ARHGEF18: variants seen among roughly 807,000 people sequenced by gnomAD.
ARHGEF18 encodes the protein rho guanine nucleotide exchange factor 18.
In ARHGEF18, 93 loss-of-function variants were observed where a neutral mutation model predicts 155.7. That is an observed-to-expected ratio of 0.60 (90% CI 0.50 to 0.71). ARHGEF18 has a LOEUF of 0.71. Ranked by LOEUF, ARHGEF18 falls within the 30% of genes least tolerant of loss-of-function variation. ARHGEF18 has a pLI of 0.00. For missense variants in ARHGEF18, 1,593 were observed against 1,816.1 expected (o/e 0.88, Z 2.23); for synonymous variants, 742 against 753.1 (o/e 0.99, Z 0.24).
intron 1 of ARHGEF18, among the ~76,000 whole-genome samples, chr19:7,360,136 C>A (rs1164810328): frequency 6.6e-6 from 1 of 151,734 alleles, no homozygotes; most frequent in African/African-American, 2.4e-5. Context: ...GGTGACAGAG[C>A]AAGACTCTCT....
rs144365474 is a variant in ARHGEF18, at chr19:7,349,689, A to G, written c.-111+448A>G. On this transcript the variant is annotated intron_variant, in intron 1 of 28. Transcript: ENST00000668164. ...GCTACTCGGGAGGCTGAGGCAGGAG[A>G]ATGGCTTGAACCCGGGAGGTAGAGG... 8.4e-3 allele frequency among the ~76,000 whole-genome samples: 1,284 copies of G among 152,090 alleles called. 12 individuals are homozygous for G. Among genetic ancestry groups the G allele is most frequent in the Non-Finnish European group, 0.014 (960 of 67,974 alleles).
At chr19:7,450,513 G>GTT (rs1308052122) in intron 15 of ARHGEF18, among the ~76,000 whole-genome samples, 2 of 2,466 alleles carry the variant, frequency 8.1e-4, no homozygotes, top group Non-Finnish European at 1.4e-3. Flanking sequence ...GGATCTTGCT[G>GTT]TCCATTTCCG....
chr19:7,450,843 A>T, intron 15 of ARHGEF18, among the ~76,000 whole-genome samples: 1 of 142,208 alleles, frequency 7.0e-6, no homozygotes, highest in South Asian at 2.2e-4. Context: ...CGTTTCCGAG[A>T]TGTTAATGCG....
Position 7,395,224 on chromosome 19 carries a change from C to T in ARHGEF18, c.967+12021C>T, listed in dbSNP as rs1971627668. On this transcript the variant is annotated intron_variant, in intron 10 of 28. Coordinates refer to ENST00000668164, the MANE Select transcript of ARHGEF18 (RefSeq NM_001367823.1). This position sits in a 1 kb window ranked among gnomAD's most constrained non-coding sequence, Gnocchi z 5.0. ...GAGTGGCAGAGGAGCTGGCGGAGAGCGGCCTGCGGGCGATCGGGCCGAGGT... is the reference window on the plus strand; with the variant it reads ...GAGTGGCAGAGGAGCTGGCGGAGAGTGGCCTGCGGGCGATCGGGCCGAGGT... 1.0e-6 allele frequency: 1 copy of T among 986,914 alleles called. No homozygotes were observed. The highest frequency in any genetic ancestry group is 1.2e-6 in the Non-Finnish European group (1 of 831,192). The allele number at this position is 986,914 out of a possible 1,614,324, so 61.1% of individuals were successfully genotyped here.
intron 10 of ARHGEF18, among the ~76,000 whole-genome samples, chr19:7,391,081 A>G (rs1971376156): frequency 6.6e-6 from 1 of 152,016 alleles, no homozygotes; most frequent in Non-Finnish European, 1.5e-5. Flanking sequence ...AATAAATCAC[A>G]GACCCTAACC....
At chr19:7,425,505 C>T (rs930394991) in intron 10 of ARHGEF18, among the ~76,000 whole-genome samples, 11 of 151,116 alleles carry the variant, frequency 7.3e-5, no homozygotes, top group Admixed American at 5.9e-4. Context: ...AACATGGTGA[C>T]ACCCCGTCTC....
At chr19:7,378,678 T>C (rs8108266) in intron 6 of ARHGEF18, among the ~76,000 whole-genome samples, 32,395 of 140,172 alleles carry the variant, frequency 0.23, 4,234 homozygotes, top group Non-Finnish European at 0.26. Context: ...TGGGAGACAA[T>C]TGTGGCTTTT....
rs76283326 is a variant in ARHGEF18, at chr19:7,453,858, A to T, written c.2104+143A>T. ...CTTGGAGAGGTGGTCACCATCTTGG[A>T]TTGGTGGGTACTCTCTTGATTGGTG... On this transcript the variant is annotated intron_variant, in intron 17 of 28. Coordinates refer to ENST00000668164, the MANE Select transcript of ARHGEF18 (RefSeq NM_001367823.1). 0.011 allele frequency: 12,550 copies of T among 1,146,894 alleles called. 550 individuals are homozygous for T. In the East Asian group the frequency reaches 0.13, roughly 12 times the overall value. 71.0% of individuals were successfully genotyped at this position (1,146,894 alleles called of 1,614,324 possible).
Position 7,383,150 on chromosome 19 carries a change from C to A in ARHGEF18, c.914C>A (p.Thr305Asn). The change falls in exon 10 of 29, where the codon ACC becomes AAC. Residue 305 changes from threonine to asparagine, a missense_variant. By Grantham distance (65) the Thr-to-Asn change is moderately conservative. Coordinates refer to ENST00000668164, the MANE Select transcript of ARHGEF18 (RefSeq NM_001367823.1). The stretch of plus-strand genomic sequence containing the variant: ...AATGGGCACCAGCTGTTGCAAGGGA[C>A]CTTCTCCGGCCCCTCCAGCTGCCCC... ...CVNGHQLLQG[T>N]FSGPSSCPLC... 8.1e-7 allele frequency: 1 copy of A among 1,232,176 alleles called. No individual in the cohort carries two copies. The highest frequency in any genetic ancestry group is 4.1e-5 in the South Asian group (1 of 24,314). The allele number at this position is 1,232,176 out of a possible 1,614,324, so 76.3% of individuals were successfully genotyped here.
chr19:7,415,954 T>A (rs1417351532), intron 10 of ARHGEF18, among the ~76,000 whole-genome samples: 5 of 151,954 alleles, frequency 3.3e-5, no homozygotes, highest in African/African-American at 9.7e-5. Context: ...AAACTTGGAG[T>A]TCCCACACAG....
chr19:7,469,572 A>G lies in ARHGEF18; in HGVS notation c.3788-332A>G, dbSNP rs573821200. Among the ~76,000 whole-genome samples the G allele has an allele frequency of 2.6e-5, 4 of 152,146 alleles. No individual in the cohort carries two copies. In the East Asian group the frequency reaches 7.7e-4, roughly 29 times the overall value. On this transcript the variant is annotated intron_variant, in intron 27 of 28. Coordinates refer to ENST00000668164, the MANE Select transcript of ARHGEF18 (RefSeq NM_001367823.1). ...GGATGTCCAGGAGCTCCTCTGGGGG[A>G]CACCTCCCTGGGGGACAACCAGGGA...
chr19:7,438,468 G>C (rs8109545), intron 10 of ARHGEF18, among the ~76,000 whole-genome samples: 6 of 150,114 alleles, frequency 4.0e-5, no homozygotes, highest in African/African-American at 7.4e-5. Flanking sequence ...CTGGAGTGCA[G>C]TGGCACGGTC....
At chr19:7,407,079 A>T (rs1972361250) in intron 10 of ARHGEF18, among the ~76,000 whole-genome samples, 1 of 150,928 alleles carries the variant, frequency 6.6e-6, no homozygotes, top group Non-Finnish European at 1.5e-5. Flanking sequence ...AAAAAAAAAA[A>T]AAAAGGTTAT....
chr19:7,395,334 AC>A lies in ARHGEF18; in HGVS notation c.967+12136del, dbSNP rs1022737072. Reference sequence around the variant, plus strand: ...TTCAGGGGGTGGCCTGGGGCGCGGGACCCCCGGGGCTGCCTCGGGCCTCCCG... The same window carrying A: ...TTCAGGGGGTGGCCTGGGGCGCGGGACCCCGGGGCTGCCTCGGGCCTCCCG... On this transcript the variant is annotated intron_variant, in intron 10 of 28. Coordinates refer to ENST00000668164, the MANE Select transcript of ARHGEF18 (RefSeq NM_001367823.1). This position sits in a 1 kb window ranked among gnomAD's most constrained non-coding sequence, Gnocchi z 5.0. 8.2e-5 allele frequency: 81 copies of A among 983,796 alleles called. No individual in the cohort carries two copies. The African/African-American group carries it at 1.2e-3, about 14-fold the overall frequency. The allele number at this position is 983,796 out of a possible 1,614,324, so 60.9% of individuals were successfully genotyped here.
chr19:7,385,823 A>ATCTCTCTCTC (rs1288367668), intron 10 of ARHGEF18, among the ~76,000 whole-genome samples: 3 of 73,780 alleles, frequency 4.1e-5, no homozygotes, highest in Admixed American at 1.4e-4. Context: ...GATAGGATCT[A>ATCTCTCTCTC]TCTCTCTCTA....
chr19:7,412,844 C>CT (rs1416019217), intron 10 of ARHGEF18, among the ~76,000 whole-genome samples: 1 of 152,022 alleles, frequency 6.6e-6, no homozygotes, highest in Non-Finnish European at 1.5e-5. Flanking sequence ...TGTTGAGCGT[C>CT]TTTTCATGTG....
intron 1 of ARHGEF18, among the ~76,000 whole-genome samples, chr19:7,362,040 GGAGA>G (rs1969595905): frequency 7.0e-5 from 3 of 42,864 alleles, no homozygotes; most frequent in Non-Finnish European, 1.2e-4. Flanking sequence ...AGAAGGAGAA[GGAGA>G]AGGAGAAGGA....
At chr19:7,461,265 T>C (rs973228559) in intron 20 of ARHGEF18, among the ~76,000 whole-genome samples, 1 of 139,992 alleles carries the variant, frequency 7.1e-6, no homozygotes, top group Non-Finnish European at 1.5e-5. Context: ...ATTTAAAAAT[T>C]AGGCTGGGTG....
intron 10 of ARHGEF18, among the ~76,000 whole-genome samples, chr19:7,435,887 G>A (rs1292925542): frequency 1.3e-5 from 2 of 152,106 alleles, no homozygotes; most frequent in Admixed American, 6.6e-5. Flanking sequence ...AGGCTGGAGT[G>A]CAGTGGGGCA....
Sources: allele counts gnomAD v4.1 joint callset (sites outside exome capture counted in the v4.1 genomes callset), GRCh38; gene constraint gnomAD v4.1.1; non-coding constraint Gnocchi (gnomAD v3.1); transcripts MANE v1.5; gene names NCBI Gene and HGNC (gene_info 2026-07-23, HGNC 2026-07-21).